Variants in CCDC122 observed in about 807,000 individuals in gnomAD.
CCDC122 encodes coiled-coil domain-containing protein 122.
In CCDC122, 38 loss-of-function variants were observed where a neutral mutation model predicts 37.0. The observed-to-expected ratio is 1.03, with a 90% CI of 0.79 to 1.35. The LOEUF is 1.35. Among genes scored for constraint, CCDC122 ranks in the 40% most tolerant of loss-of-function variants. CCDC122 has a pLI of 0.00. For missense variants in CCDC122, 305 were observed against 310.0 expected, an observed-to-expected ratio of 0.98 and a Z score of 0.12; for synonymous variants, 83 against 95.6, an observed-to-expected ratio of 0.87 and a Z score of 0.77.
chr13:43,867,326 T>C (rs1954305316), intron 4 of CCDC122, among the ~76,000 whole-genome samples: 1 of 152,176 alleles, frequency 6.6e-6, no homozygotes, highest in Non-Finnish European at 1.5e-5. Flanking sequence ...AAACTATTTA[T>C]GGTTCTAGGA....
chr13:43,843,870 G>A (rs1213504211), intron 6 of CCDC122, among the ~76,000 whole-genome samples: 1 of 151,422 alleles, frequency 6.6e-6, no homozygotes, highest in Non-Finnish European at 1.5e-5. Context: ...TTGGCATAAA[G>A]TTATTCATAA....
chr13:43,826,221 G>C (rs17600281), intron 3 of CCDC122, among the ~76,000 whole-genome samples: 3,635 of 151,996 alleles, frequency 0.024, 112 homozygotes, highest in East Asian at 0.14. Flanking sequence ...CTCTACTCTA[G>C]TGCTCACCAT....
downstream of CCDC122, among the ~76,000 whole-genome samples, chr13:43,831,397 G>T (rs937272321): frequency 1.3e-5 from 2 of 152,090 alleles, no homozygotes; most frequent in Non-Finnish European, 2.9e-5. Flanking sequence ...ATTTTTTTCA[G>T]TGTCATATAC....
chr13:43,871,965 C>G (rs536522707), intron 2 of CCDC122, among the ~76,000 whole-genome samples: 56 of 152,202 alleles, frequency 3.7e-4, no homozygotes, highest in African/African-American at 1.2e-3. Context: ...TATCACTACT[C>G]TCTTGTATTT....
intron 5 of CCDC122, 142 bp from the exon 6 acceptor site, chr13:43,859,039 T>C (rs1014568305): frequency 2.5e-5 from 14 of 567,948 alleles, no homozygotes; most frequent in Non-Finnish European, 3.5e-5. Flanking sequence ...ATTACTTCTA[T>C]ACGTATACAA....
chr13:43,832,357 C>T (rs549859564), downstream of CCDC122, among the ~76,000 whole-genome samples: 3 of 152,074 alleles, frequency 2.0e-5, no homozygotes, highest in Admixed American at 6.6e-5. Context: ...CTGACTCCCC[C>T]GCAAATAGTT....
At chr13:43,854,898 A>G (rs1046518820) in intron 6 of CCDC122, 2 of 152,318 alleles carry the variant, frequency 1.3e-5, no homozygotes, top group Non-Finnish European at 2.9e-5. Context: ...CAATAGATGC[A>G]GAAAAGACTG....
At chr13:43,866,124 G>A (rs1324609929) in intron 4 of CCDC122, among the ~76,000 whole-genome samples, 1 of 152,198 alleles carries the variant, frequency 6.6e-6, no homozygotes. Flanking sequence ...GCAGGACAAT[G>A]CGAGATTTCA....
chr13:43,859,019 G>C, intron 5 of CCDC122, 122 bp from the exon 6 acceptor site: 1 of 745,764 alleles, frequency 1.3e-6, no homozygotes, highest in Non-Finnish European at 2.0e-6. Context: ...TTGATAAATA[G>C]CATTAGAATA....
chr13:43,875,581 T>C (rs1362360693), intron 1 of CCDC122, among the ~76,000 whole-genome samples: 1 of 152,196 alleles, frequency 6.6e-6, no homozygotes. Context: ...TTATCTACAG[T>C]AACCAGTCCA....
intron 4 of CCDC122, among the ~76,000 whole-genome samples, chr13:43,863,044 T>C (rs1424852589): frequency 6.6e-6 from 1 of 152,096 alleles, no homozygotes; most frequent in African/African-American, 2.4e-5. Context: ...AAAATTAATA[T>C]AAATACATAT....
chr13:43,829,384 C>A (rs1041615106), intron 3 of CCDC122, among the ~76,000 whole-genome samples: 2 of 152,174 alleles, frequency 1.3e-5, no homozygotes, highest in African/African-American at 4.8e-5. Flanking sequence ...CGGCTCACTG[C>A]AACCTCCGCC....
chr13:43,835,114 G>T (rs1953130178), downstream of CCDC122, among the ~76,000 whole-genome samples: 1 of 152,034 alleles, frequency 6.6e-6, no homozygotes, highest in Non-Finnish European at 1.5e-5. Flanking sequence ...TATACACCAT[G>T]GAATACTATG....
chr13:43,868,876 TTACTC>T, intron 3 of CCDC122, 73 bp from the exon 4 acceptor site: 3 of 645,626 alleles, frequency 4.6e-6, no homozygotes, highest in Non-Finnish European at 7.0e-6. Context: ...TTATGTTTCT[TTACTC>T]AAAATCATGA....
At chr13:43,876,447 T>A in intron 1 of CCDC122, among the ~76,000 whole-genome samples, 1 of 152,208 alleles carries the variant, frequency 6.6e-6, no homozygotes, top group East Asian at 1.9e-4. Flanking sequence ...CAAAACACTC[T>A]AGGCAGAAAG....
In CCDC122 at chr13:43,836,626, G is replaced by C. The variant is rs1317712235; in HGVS notation, c.*654C>G. ...AGCACTTTGGGAGGCCGAGGCGGGT[G>C]GATCATGAGGTCAGGAGATCGAGAC... On this transcript the variant is annotated 3_prime_UTR_variant, in exon 7 of 7. Coordinates refer to ENST00000444614, the MANE Select transcript of CCDC122 (RefSeq NM_144974.5). 1 of 151,790 alleles carries C rather than the reference G, an allele frequency of 6.6e-6. No individual in the cohort carries two copies. Among genetic ancestry groups the C allele is most frequent in the East Asian group, 1.9e-4 (1 of 5,168 alleles). The allele number at this position is 151,790 out of a possible 1,614,324, so 9.4% of individuals were successfully genotyped here.
In CCDC122 at chr13:43,836,414, AAAG is replaced by A. The variant is rs911120235; in HGVS notation, c.*863_*865del. On this transcript the variant is annotated 3_prime_UTR_variant, in exon 7 of 7. Coordinates refer to ENST00000444614, the MANE Select transcript of CCDC122 (RefSeq NM_144974.5). ...CACTCAAAATATGTTATTTTATAAC[AAAG>A]AAAAATGATTGTTACCTTCTGGATA... 6.6e-6 allele frequency: 1 copy of A among 152,172 alleles called. No individual in the cohort carries two copies. The highest frequency in any genetic ancestry group is 1.5e-5 in the Non-Finnish European group (1 of 67,998). 9.4% of individuals were successfully genotyped at this position (152,172 alleles called of 1,614,324 possible).
chr13:43,854,565 C>G (rs1037892327), intron 6 of CCDC122: 2 of 152,150 alleles, frequency 1.3e-5, no homozygotes, highest in Non-Finnish European at 2.9e-5. Context: ...GAGCTGGTAC[C>G]ATTCCTGCCA....
chr13:43,856,243 A>G (rs1332021874), intron 6 of CCDC122: 1 of 152,218 alleles, frequency 6.6e-6, no homozygotes, highest in Non-Finnish European at 1.5e-5. Context: ...AATGGGTACT[A>G]GGCTTAATAC....
Sources: gnomAD v4.1 joint callset for allele counts (sites outside exome capture counted in the v4.1 genomes callset) on GRCh38, gnomAD v4.1.1 for gene constraint, MANE v1.5 for transcripts, NCBI Gene and HGNC (gene_info 2026-07-23, HGNC 2026-07-21) for gene names.